The following CENPP variants were observed in gnomAD, a reference collection of about 807,000 sequenced individuals.
CENPP encodes centromere protein P.
CENPP carries 24 observed loss-of-function variants against 35.6 expected under a neutral mutation model. The ratio of observed to expected loss-of-function variants is 0.67; its 90% CI spans 0.49 to 0.95. CENPP has a LOEUF of 0.95. Ranked by LOEUF, CENPP falls within the 40% of genes least tolerant of loss-of-function variation. CENPP has a pLI of 0.00. For synonymous variants in CENPP, 120 were observed against 125.5 expected, an observed-to-expected ratio of 0.96 and a Z score of 0.29; for missense variants, 332 against 345.3, an observed-to-expected ratio of 0.96 and a Z score of 0.31.
chr9:92,431,447 A>ATTGT (rs1844106612), intron 5 of CENPP, among the ~76,000 whole-genome samples: 1 of 152,222 alleles, frequency 6.6e-6, no homozygotes, highest in Non-Finnish European at 1.5e-5. Context: ...GTGGCATTAC[A>ATTGT]TTGTGATTTT....
intron 5 of CENPP, among the ~76,000 whole-genome samples, chr9:92,420,375 T>G (rs1209865366): frequency 6.6e-6 from 1 of 152,198 alleles, no homozygotes; most frequent in Non-Finnish European, 1.5e-5. Flanking sequence ...ACTTTCTGGC[T>G]CCTTCAATCT....
intron 5 of CENPP, among the ~76,000 whole-genome samples, chr9:92,412,542 C>A (rs2130950211): frequency 6.6e-6 from 1 of 152,342 alleles, no homozygotes; most frequent in East Asian, 1.9e-4. Context: ...CAGCTCTAGG[C>A]AACCAATAGT....
At chr9:92,389,158 T>C (rs1156897184) in intron 5 of CENPP, among the ~76,000 whole-genome samples, 3 of 152,148 alleles carry the variant, frequency 2.0e-5, no homozygotes, top group African/African-American at 7.2e-5. Context: ...TTACCAGCAA[T>C]GGCATGGTCA....
At chr9:92,368,540 A>C (rs1841940528) in intron 4 of CENPP, among the ~76,000 whole-genome samples, 1 of 152,182 alleles carries the variant, frequency 6.6e-6, no homozygotes, top group African/African-American at 2.4e-5. Flanking sequence ...GTGAAGAACA[A>C]TTTCATGAGG....
intron 4 of CENPP, among the ~76,000 whole-genome samples, chr9:92,357,081 A>T (rs543725191): frequency 1.0e-3 from 155 of 152,342 alleles, no homozygotes; most frequent in Non-Finnish European, 1.9e-3. Context: ...TCTAATTTTT[A>T]AAAAATGTAT....
intron 5 of CENPP, among the ~76,000 whole-genome samples, chr9:92,397,509 TA>T (rs1449120586): frequency 2.0e-5 from 3 of 152,154 alleles, no homozygotes; most frequent in Non-Finnish European, 4.4e-5. Context: ...TTTGTATTTT[TA>T]GTAGAGACGG....
intron 5 of CENPP, among the ~76,000 whole-genome samples, chr9:92,394,355 GC>G (rs1405957294): frequency 6.6e-6 from 1 of 151,268 alleles, no homozygotes; most frequent in East Asian, 1.9e-4. Context: ...CGATTCTTCT[GC>G]CTCAGCCTCC....
rs565604100 is a variant in CENPP, at chr9:92,489,832, G to A, written c.564+109973G>A. On this transcript the variant is annotated intron_variant, in intron 5 of 7. Coordinates refer to ENST00000375587, the MANE Select transcript of CENPP (RefSeq NM_001012267.3). The stretch of plus-strand genomic sequence containing the variant: ...CCCACCTACTCCTCAGGAGAGCCAC[G>A]CTGTTGCCAAGGCTGCAGGGTCCCC... 1.6e-4 allele frequency among the ~76,000 whole-genome samples: 24 copies of A among 152,264 alleles called. No homozygotes were observed. In the South Asian group the frequency reaches 5.0e-3, roughly 32 times the overall value.
intron 5 of CENPP, among the ~76,000 whole-genome samples, chr9:92,482,071 A>G (rs182506847): frequency 1.8e-4 from 27 of 152,286 alleles, no homozygotes; most frequent in Admixed American, 1.6e-3. Flanking sequence ...AAAAAGTCAC[A>G]TAATTATATT....
chr9:92,373,150 C>T (rs1169726175), intron 4 of CENPP, among the ~76,000 whole-genome samples: 1 of 152,062 alleles, frequency 6.6e-6, no homozygotes, highest in Non-Finnish European at 1.5e-5. Context: ...TGGCCATGCA[C>T]AGTAGCTCAT....
chr9:92,602,646 G>A (rs1431514166), intron 5 of CENPP, among the ~76,000 whole-genome samples: 3 of 152,164 alleles, frequency 2.0e-5, no homozygotes, highest in Non-Finnish European at 4.4e-5. Context: ...CTGGTTTGGA[G>A]AAGTATGTTT....
chr9:92,341,655 G>C (rs1185212607), intron 3 of CENPP: 1 of 152,248 alleles, frequency 6.6e-6, no homozygotes, highest in Non-Finnish European at 1.5e-5. Flanking sequence ...TTCCTAGCAT[G>C]AACTACCACA....
intron 5 of CENPP, among the ~76,000 whole-genome samples, chr9:92,388,465 T>G (rs1372433058): frequency 6.6e-6 from 1 of 151,886 alleles, no homozygotes; most frequent in Admixed American, 6.6e-5. Flanking sequence ...CCTGTCCTGA[T>G]CAACTTTTAT....
chr9:92,577,632 G>T (rs749981970), intron 5 of CENPP, among the ~76,000 whole-genome samples: 3 of 152,032 alleles, frequency 2.0e-5, no homozygotes, highest in Non-Finnish European at 4.4e-5. Flanking sequence ...AAATCTAAGG[G>T]AAAAGAAAAG....
chr9:92,443,661 T>G (rs1238629684), intron 5 of CENPP, among the ~76,000 whole-genome samples: 1 of 142,362 alleles, frequency 7.0e-6, no homozygotes, highest in Non-Finnish European at 1.6e-5. Flanking sequence ...TTACAAAGTT[T>G]TTTTTTTTTG....
chr9:92,436,893 A>T (rs1844257502), intron 5 of CENPP, among the ~76,000 whole-genome samples: 1 of 152,138 alleles, frequency 6.6e-6, no homozygotes, highest in Non-Finnish European at 1.5e-5. Flanking sequence ...TTTTAGAATG[A>T]TCTTGTCTGT....
chr9:92,376,344 C>G (rs1842124034), intron 4 of CENPP, among the ~76,000 whole-genome samples: 1 of 152,212 alleles, frequency 6.6e-6, no homozygotes, highest in African/African-American at 2.4e-5. Context: ...AAAACATCCC[C>G]TGTGTAGCTA....
chr9:92,514,515 T>C lies in CENPP; in HGVS notation c.565-96799T>C, dbSNP rs561507163. ...GTCTCAAACCCCTGACCTCAGGTGA[T>C]CTGGCCACCTCAGCCTTTCAAAGTG... On this transcript the variant is annotated intron_variant, in intron 5 of 7. Coordinates refer to ENST00000375587, the MANE Select transcript of CENPP (RefSeq NM_001012267.3). The C allele has an allele frequency of 1.9e-4, 264 of 1,359,490 alleles. 2 individuals carry two copies. In the South Asian group the frequency reaches 4.3e-3, roughly 22 times the overall value. The allele number at this position is 1,359,490 out of a possible 1,614,324, so 84.2% of individuals were successfully genotyped here. A position where few individuals can be genotyped will look rare whatever the true frequency, so the allele number is the denominator to read the frequency against.
At chr9:92,386,208 T>C in intron 5 of CENPP, 1 of 1,603,358 alleles carries the variant, frequency 6.2e-7, no homozygotes, top group Non-Finnish European at 8.5e-7. Context: ...TACCTGAAGA[T>C]GAATTACACG....
Sources: allele counts gnomAD v4.1 joint callset (sites outside exome capture counted in the v4.1 genomes callset), GRCh38; gene constraint gnomAD v4.1.1; transcripts MANE v1.5; gene names NCBI Gene and HGNC (gene_info 2026-07-23, HGNC 2026-07-21).